Variants in GRPEL1 observed in about 807,000 individuals in gnomAD.
The protein encoded by GRPEL1 is GrpE like 1, mitochondrial, also known as grpE protein homolog 1, mitochondrial.
In GRPEL1, 13 loss-of-function variants were observed where a neutral mutation model predicts 22.1. The observed-to-expected ratio is 0.59, with a 90% confidence interval of 0.38 to 0.94. GRPEL1 has a LOEUF of 0.94. Ranked by LOEUF, GRPEL1 falls within the 40% of genes least tolerant of loss-of-function variation. GRPEL1 has a pLI of 0.00. For missense variants in GRPEL1, 289 were observed against 264.6 expected (o/e 1.09, Z -0.64); for synonymous variants, 109 against 105.3 (o/e 1.03, Z -0.21).
intron 2 of GRPEL1, among the ~76,000 whole-genome samples, chr4:7,062,965 C>A (rs1481726554): frequency 2.0e-5 from 3 of 152,180 alleles, no homozygotes; most frequent in Non-Finnish European, 4.4e-5. Flanking sequence ...ATAAAAGCTG[C>A]ACTCATGATC....
rs914286019 is a variant in GRPEL1 at position 7,060,127 on chromosome 4, C to T, written c.*735G>A. On this transcript the variant is annotated 3_prime_UTR_variant, in exon 4 of 4. Transcript: ENST00000264954. Reference sequence around the variant, plus strand: ...ATTAAACATTAACATTTAAAGTACACCAAGCGTGCAGTCCTATTTTGAGAA... The same window carrying T: ...ATTAAACATTAACATTTAAAGTACATCAAGCGTGCAGTCCTATTTTGAGAA... 2.0e-5 allele frequency: 3 copies of T among 152,184 alleles called. No homozygotes were observed. Among genetic ancestry groups the T allele is most frequent in the East Asian group, 3.8e-4 (2 of 5,198 alleles). The allele number at this position is 152,184 out of a possible 1,614,324, so 9.4% of individuals were successfully genotyped here.
In GRPEL1 at chr4:7,059,692, C is replaced by G. The variant is rs931753505; in HGVS notation, c.*1170G>C. ...TCACAAGTATCTTCCATTCTAGAAG[C>G]AAAGGCAGCGAAAGGTTCTTTTCTC... is the stretch of plus-strand genomic sequence containing the variant. On this transcript the variant is annotated 3_prime_UTR_variant, in exon 4 of 4. Coordinates refer to ENST00000264954, the MANE Select transcript of GRPEL1 (RefSeq NM_025196.4). The G allele has an allele frequency of 6.6e-6, 1 of 152,260 alleles. No individual in the cohort carries two copies. The highest frequency in any genetic ancestry group is 1.5e-5 in the Non-Finnish European group (1 of 68,052). 9.4% of individuals were successfully genotyped at this position (152,260 alleles called of 1,614,324 possible).
At chr4:7,063,337 C>G (rs976334916) in intron 2 of GRPEL1, among the ~76,000 whole-genome samples, 12 of 152,162 alleles carry the variant, frequency 7.9e-5, no homozygotes. Flanking sequence ...AATCCTCTTG[C>G]CTCAACCTTC....
rs1162253980 is a variant in GRPEL1 at position 7,059,388 on chromosome 4, C to T, written c.*1474G>A. Reference sequence around the variant, plus strand: ...TTCACAGAAATGAGTTGATAAATTACTTTTCTTAGCCTCCATTTAACTCGG... The same window carrying T: ...TTCACAGAAATGAGTTGATAAATTATTTTTCTTAGCCTCCATTTAACTCGG... On this transcript the variant is annotated 3_prime_UTR_variant, in exon 4 of 4. Transcript: ENST00000264954. 1 of 152,212 alleles carries T rather than the reference C, an allele frequency of 6.6e-6. No homozygotes were observed. The highest frequency in any genetic ancestry group is 1.5e-5 in the Non-Finnish European group (1 of 68,042). 9.4% of individuals were successfully genotyped at this position (152,212 alleles called of 1,614,324 possible). A position where few individuals can be genotyped will look rare whatever the true frequency, so the allele number is the denominator to read the frequency against.
chr4:7,067,980 A>G lies in GRPEL1; in HGVS notation c.53T>C (p.Leu18Ser), dbSNP rs1724216024. The G allele has an allele frequency of 6.2e-7, 1 of 1,613,512 alleles. No individual in the cohort carries two copies. Among genetic ancestry groups the G allele is most frequent in the Non-Finnish European group, 8.5e-7 (1 of 1,179,920 alleles). Residue 18 changes from leucine to serine, a missense_variant, in exon 1 of 4, where the codon TTG becomes TCG. Leu to Ser is a moderately radical substitution (Grantham distance 145). Coordinates refer to ENST00000264954, the MANE Select transcript of GRPEL1 (RefSeq NM_025196.4). ...ACCAAGTGCCCCTTACCTGAGAGAC[A>G]ACGCCAAAGCAGGAAGACTGCGCCG... Reference protein sequence around the residue: ...LARRSLPALALSLRPSPRLLC... With the variant: ...LARRSLPALASSLRPSPRLLC...
chr4:7,064,186 T>C lies in GRPEL1; in HGVS notation c.100A>G (p.Lys34Glu), dbSNP rs1402359963. ...TCTTCCAGGTTCTGGCCACTGTTCTTTTGTTTCGTGGCTGTGCACAACAAC... is the reference window on the plus strand; with the variant it reads ...TCTTCCAGGTTCTGGCCACTGTTCTCTTGTTTCGTGGCTGTGCACAACAAC... ...PRLLCTATKQ[K>E]NSGQNLEEDM... The change falls in exon 2 of 4, where the codon AAG (lysine) becomes GAG (glutamate). Residue 34 changes from lysine (K) to glutamate (E), a missense_variant. By Grantham distance (56) the Lys-to-Glu change is moderately conservative. Coordinates refer to ENST00000264954, the MANE Select transcript of GRPEL1 (RefSeq NM_025196.4). 1.2e-6 allele frequency: 2 copies of C among 1,614,014 alleles called. No homozygotes were observed. Among genetic ancestry groups the C allele is most frequent in the Non-Finnish European group, 1.7e-6 (2 of 1,180,010 alleles).
rs564355812 is a variant in GRPEL1 at position 7,059,603 on chromosome 4, C to A, written c.*1259G>T. The A allele has an allele frequency of 6.6e-6, 1 of 152,366 alleles. No individual in the cohort carries two copies. Among genetic ancestry groups the A allele is most frequent in the East Asian group, 1.9e-4 (1 of 5,188 alleles). 9.4% of individuals were successfully genotyped at this position (152,366 alleles called of 1,614,324 possible). Reference sequence around the variant, plus strand: ...AAGATGAAGTATTATGGGACCATTACTTGCGTCTTTTAAAATTAGAAGTGA... The same window carrying A: ...AAGATGAAGTATTATGGGACCATTAATTGCGTCTTTTAAAATTAGAAGTGA... On this transcript the variant is annotated 3_prime_UTR_variant, in exon 4 of 4. Coordinates refer to ENST00000264954, the MANE Select transcript of GRPEL1 (RefSeq NM_025196.4).
rs1724041643 is a variant in GRPEL1 at position 7,061,498 on chromosome 4, TA to T, written c.308-291del. The T allele has an allele frequency of 5.8e-6, 2 of 343,892 alleles. 1 individual carries two copies. Among genetic ancestry groups the T allele is most frequent in the South Asian group, 6.7e-5 (2 of 29,644 alleles). The allele number at this position is 343,892 out of a possible 1,614,324, so 21.3% of individuals were successfully genotyped here. On this transcript the variant is annotated intron_variant, in intron 3 of 3. Transcript: ENST00000264954. ...CCAAGCCCAGATGTCAAGCAAGCAG[TA>T]AGATTTAGGGGACTGGAACTCGGAA... is the stretch of plus-strand genomic sequence containing the variant.
rs761215457 is a variant in GRPEL1, at chr4:7,064,120, T to C, written c.166A>G (p.Thr56Ala). 1 of 1,614,222 alleles carries C rather than the reference T, an allele frequency of 6.2e-7. No individual in the cohort carries two copies. The highest frequency in any genetic ancestry group is 1.7e-5 in the Admixed American group (1 of 60,036). The change falls in exon 2 of 4, where the codon ACA becomes GCA. Residue 56 changes from threonine to alanine, a missense_variant. Coordinates refer to ENST00000264954, the MANE Select transcript of GRPEL1 (RefSeq NM_025196.4). ...TTCTCTTCCAGGAGGGTCTTCTCTG[T>C]AGCAGGAGGATCTGCCTTCTGTTCA... is the stretch of plus-strand genomic sequence containing the variant. ...QSEQKADPPA[T>A]EKTLLEEKVK...
Position 7,060,492 on chromosome 4 carries a change from G to A in GRPEL1, c.*370C>T, listed in dbSNP as rs1050287110. 1 of 206,596 alleles carries A rather than the reference G, an allele frequency of 4.8e-6. No individual in the cohort carries two copies. Among genetic ancestry groups the A allele is most frequent in the African/African-American group, 2.3e-5 (1 of 43,442 alleles). The allele number at this position is 206,596 out of a possible 1,614,324, so 12.8% of individuals were successfully genotyped here. On this transcript the variant is annotated 3_prime_UTR_variant, in exon 4 of 4. Coordinates refer to ENST00000264954, the MANE Select transcript of GRPEL1 (RefSeq NM_025196.4). ...TCACTCATGCGCCGCAGGGACACATGGTGCAGACTGGCGTGCCCAGGTAGC... is the reference window on the plus strand; with the variant it reads ...TCACTCATGCGCCGCAGGGACACATAGTGCAGACTGGCGTGCCCAGGTAGC...
At chr4:7,065,955 G>A (rs978307194) in intron 1 of GRPEL1, among the ~76,000 whole-genome samples, 2 of 150,704 alleles carry the variant, frequency 1.3e-5, no homozygotes, top group African/African-American at 4.9e-5. Context: ...CCGGGTTCAC[G>A]CCATTCTCCT....
intron 3 of GRPEL1, 109 bp downstream of exon 3, chr4:7,062,276 A>AT: frequency 3.2e-6 from 1 of 310,228 alleles, no homozygotes; most frequent in Non-Finnish European, 6.8e-6. Flanking sequence ...CAACAGCTGG[A>AT]CCCCCCACCC....
Position 7,059,136 on chromosome 4 carries a change from T to G in GRPEL1, c.*1726A>C, listed in dbSNP as rs1452094997. The G allele has an allele frequency of 6.6e-6, 1 of 152,206 alleles. No homozygotes were observed. Among genetic ancestry groups the G allele is most frequent in the African/African-American group, 2.4e-5 (1 of 41,442 alleles). The allele number at this position is 152,206 out of a possible 1,614,324, so 9.4% of individuals were successfully genotyped here. A position where few individuals can be genotyped will look rare whatever the true frequency, so the allele number is the denominator to read the frequency against. Reference sequence around the variant, plus strand: ...CAGCGCATTTCTCAGAACACATCCCTGTGGTTAAGCCATGCTTGACTATAT... The same window carrying G: ...CAGCGCATTTCTCAGAACACATCCCGGTGGTTAAGCCATGCTTGACTATAT... On this transcript the variant is annotated 3_prime_UTR_variant, in exon 4 of 4. Transcript: ENST00000264954.
Position 7,059,960 on chromosome 4 carries a change from G to C in GRPEL1, c.*902C>G, listed in dbSNP as rs1723998381. The stretch of plus-strand genomic sequence containing the variant: ...CACGCACGCACGTGTCAAGCTGACA[G>C]CTTCTGGGCTGGAGTAGAGAATGGG... On this transcript the variant is annotated 3_prime_UTR_variant, in exon 4 of 4. Transcript: ENST00000264954. The C allele has an allele frequency of 6.6e-6, 1 of 152,254 alleles. No individual in the cohort carries two copies. Among genetic ancestry groups the C allele is most frequent in the Admixed American group, 6.5e-5 (1 of 15,286 alleles). The allele number at this position is 152,254 out of a possible 1,614,324, so 9.4% of individuals were successfully genotyped here.
chr4:7,061,778 CAG>C (rs1724046557), intron 3 of GRPEL1: 1 of 154,738 alleles, frequency 6.5e-6, no homozygotes, highest in Non-Finnish European at 1.4e-5. Flanking sequence ...GTGAATGCGA[CAG>C]AGACTCTAGC....
rs1293244816 is a variant in GRPEL1 at position 7,060,582 on chromosome 4, G to A, written c.*280C>T. 2.2e-6 allele frequency: 1 copy of A among 462,628 alleles called. No individual in the cohort carries two copies. Among genetic ancestry groups the A allele is most frequent in the Non-Finnish European group, 3.8e-6 (1 of 260,028 alleles). 28.7% of individuals were successfully genotyped at this position (462,628 alleles called of 1,614,324 possible). A position where few individuals can be genotyped will look rare whatever the true frequency, so the allele number is the denominator to read the frequency against. On this transcript the variant is annotated 3_prime_UTR_variant, in exon 4 of 4. Coordinates refer to ENST00000264954, the MANE Select transcript of GRPEL1 (RefSeq NM_025196.4). ...CTTTGGTGTCAGCAGAGTCTGAGCA[G>A]ACACGTTACTCATGATGCTCGGGAG... is the stretch of plus-strand genomic sequence containing the variant.
chr4:7,066,103 C>T lies in GRPEL1; in HGVS notation c.62+1868G>A, dbSNP rs562600968. On this transcript the variant is annotated intron_variant, in intron 1 of 3. Transcript: ENST00000264954. ...GGATCTCCTGACCTCGTGATCCGCCCGCACCCGGCCAGGACCTCTTTTTAA... is the reference window on the plus strand; with the variant it reads ...GGATCTCCTGACCTCGTGATCCGCCTGCACCCGGCCAGGACCTCTTTTTAA... Among the ~76,000 whole-genome samples, 43 of 152,180 alleles carry T rather than the reference C, an allele frequency of 2.8e-4. 1 individual carries two copies. The highest frequency in any genetic ancestry group is 2.5e-3 in the East Asian group (13 of 5,186).
At chr4:7,062,333 C>G (rs776926708) in intron 3 of GRPEL1, 52 bp downstream of exon 3, 2 of 955,998 alleles carry the variant, frequency 2.1e-6, no homozygotes, top group African/African-American at 3.3e-5. Flanking sequence ...CTTCCCCTTC[C>G]CCACCCCATT....
rs1196315363 is a variant in GRPEL1 at position 7,059,312 on chromosome 4, G to A, written c.*1550C>T. 2 of 152,218 alleles carry A rather than the reference G, an allele frequency of 1.3e-5. No homozygotes were observed. Among genetic ancestry groups the A allele is most frequent in the Non-Finnish European group, 2.9e-5 (2 of 68,038 alleles). 9.4% of individuals were successfully genotyped at this position (152,218 alleles called of 1,614,324 possible). On this transcript the variant is annotated 3_prime_UTR_variant, in exon 4 of 4. Transcript: ENST00000264954. ...ATATTGCCTCTAGGTTACGAGTTAA[G>A]TGCTTTTTAGCAACTGCAGCTGTAG...
Sources: allele counts gnomAD v4.1 joint callset (sites outside exome capture counted in the v4.1 genomes callset), GRCh38; gene constraint gnomAD v4.1.1; transcripts MANE v1.5; gene names NCBI Gene and HGNC (gene_info 2026-07-23, HGNC 2026-07-21).